The following USF3 variants were observed in gnomAD, a reference collection of about 807,000 sequenced individuals.
The protein encoded by USF3 is upstream transcription factor family member 3.
In USF3, 29 loss-of-function variants were observed where a neutral mutation model predicts 157.5. That is an observed-to-expected ratio of 0.18 (90% CI 0.14 to 0.25). USF3 has a LOEUF of 0.25. Among genes scored for constraint, USF3 ranks in the 10% least tolerant of loss-of-function variants. The pLI, the probability that USF3 is intolerant of heterozygous loss-of-function variation, is 1.00. For missense variants in USF3, 2,381 were observed against 2,667.6 expected (o/e 0.89, Z 2.37); for synonymous variants, 893 against 941.4 (o/e 0.95, Z 0.94).
rs114913621 is a variant in USF3, at chr3:113,687,184, T to C, written c.-135+9186A>G. ...GTTCAAATTGTCCACACATTGGCCA[T>C]TGGGTGCTCTTTTGGATTAGCTGTT... On this transcript the variant is annotated intron_variant, in intron 1 of 6. Coordinates refer to ENST00000316407, the MANE Select transcript of USF3 (RefSeq NM_001009899.4). Among the ~76,000 whole-genome samples the C allele has an allele frequency of 5.6e-3, 851 of 151,736 alleles. 8 individuals carry two copies. The highest frequency in any genetic ancestry group is 0.019 in the African/African-American group (791 of 41,342).
Position 113,655,461 on chromosome 3 carries a change from T to C in USF3, c.6221A>G (p.Asn2074Ser). The C allele has an allele frequency of 6.2e-7, 1 of 1,614,062 alleles. No individual in the cohort carries two copies. The highest frequency in any genetic ancestry group is 1.1e-5 in the South Asian group (1 of 91,076). The change falls in exon 7 of 7, where the codon AAT becomes AGT. Residue 2074 changes from asparagine (N) to serine (S), a missense_variant. Coordinates refer to ENST00000316407, the MANE Select transcript of USF3 (RefSeq NM_001009899.4). The stretch of plus-strand genomic sequence containing the variant: ...AGAAGCATTAGCATTTATTGGTGGA[T>C]TCATGCCACCCTCAGGAATAAAAGA... ...GFSFIPEGGM[N>S]PPINANASFI... is the part of the protein sequence containing the mutation.
At position 113,658,078 on chromosome 3, in the gene USF3, T is replaced by C. The variant is rs1282065172; in HGVS notation, c.3604A>G (p.Ile1202Val). Residue 1202 changes from isoleucine (I) to valine (V), a missense_variant, in exon 7 of 7, where the codon ATT becomes GTT. This residue lies in a region of USF3 where 1,435 missense variants were observed against 1,550.9 expected (regional missense o/e 0.93). Coordinates refer to ENST00000316407, the MANE Select transcript of USF3 (RefSeq NM_001009899.4). Reference sequence around the variant, plus strand: ...AGGGGCCTCTCCATAGTTGCTTCAATTGAACCCTGAGAATTAAATTCATTT... The same window carrying C: ...AGGGGCCTCTCCATAGTTGCTTCAACTGAACCCTGAGAATTAAATTCATTT... ...TPNEFNSQGS[I>V]EATMERPLEK... The C allele has an allele frequency of 2.5e-6, 4 of 1,614,216 alleles. No individual in the cohort carries two copies. Among genetic ancestry groups the C allele is most frequent in the Non-Finnish European group, 3.4e-6 (4 of 1,180,040 alleles).
chr3:113,658,316 G>A lies in USF3; in HGVS notation c.3366C>T (p.Asp1122=), dbSNP rs780001732. The change falls in exon 7 of 7, where the codon GAC becomes GAT. Residue 1122 remains aspartate (D), a synonymous_variant. Transcript: ENST00000316407. ...CAGTTTGCTCTACAAAGGTACAGCT[G>A]TCACATGTATTAGTTGTTGCATTGC... ...VTSNATTNTC[D]SCTFVEQTDI... 3 of 1,614,164 alleles carry A rather than the reference G, an allele frequency of 1.9e-6. No individual in the cohort carries two copies. The highest frequency in any genetic ancestry group is 2.2e-5 in the South Asian group (2 of 91,084).
rs993686510 is a variant in USF3, at chr3:113,659,912, A to G, written c.1770T>C (p.Pro590=). ...IVIIQAANQN[P]LPLLPAPPPG... ...GAGGTGGAGCAGGGAGGAGTGGCAA[A>G]GGATTCTGATTAGCAGCCTGTATGA... is the stretch of plus-strand genomic sequence containing the variant. The change falls in exon 7 of 7, where the codon CCT becomes CCC. Residue 590 remains proline, a synonymous_variant. Coordinates refer to ENST00000316407, the MANE Select transcript of USF3 (RefSeq NM_001009899.4). 2 of 1,614,196 alleles carry G rather than the reference A, an allele frequency of 1.2e-6. No individual in the cohort carries two copies. Among genetic ancestry groups the G allele is most frequent in the African/African-American group, 1.3e-5 (1 of 75,038 alleles).
Position 113,657,954 on chromosome 3 carries a change from T to A in USF3, c.3728A>T (p.Asn1243Ile), listed in dbSNP as rs1947398566. The A allele has an allele frequency of 1.9e-6, 3 of 1,614,210 alleles. No individual in the cohort carries two copies. The South Asian group carries it at 3.3e-5, about 18-fold the overall frequency. Residue 1243 changes from asparagine to isoleucine, a missense_variant, in exon 7 of 7, where the codon AAT becomes ATT. Physicochemically the swap from Asn to Ile is moderately radical, Grantham distance 149. Coordinates refer to ENST00000316407, the MANE Select transcript of USF3 (RefSeq NM_001009899.4). ...PPSITSLSVN[N>I]LIHQSSISHP... ...GCTGATGCTGCTCTGATGGATAAGA[T>A]TATTCACACTTAAACTGGTGATGCT...
intron 4 of USF3, among the ~76,000 whole-genome samples, chr3:113,670,565 T>C (rs1281429961): frequency 6.7e-6 from 1 of 150,002 alleles, no homozygotes; most frequent in East Asian, 2.0e-4. Context: ...ATGCTGCTGC[T>C]CTCCACCCTG....
intron 1 of USF3, among the ~76,000 whole-genome samples, chr3:113,692,485 A>C (rs1359192240): frequency 6.6e-6 from 1 of 152,198 alleles, no homozygotes; most frequent in Non-Finnish European, 1.5e-5. Flanking sequence ...GTCTGCTGAA[A>C]GAATATCTGG....
chr3:113,677,454 C>G (rs1220130444), intron 1 of USF3, 57 bp from the exon 2 acceptor site: 1 of 152,174 alleles, frequency 6.6e-6, no homozygotes, highest in Non-Finnish European at 1.5e-5. Flanking sequence ...ATTAGCACCG[C>G]GTAAGGCAAG....
intron 5 of USF3, 26 bp from the exon 6 acceptor site, chr3:113,664,435 A>G (rs576904901): frequency 7.6e-7 from 1 of 1,324,242 alleles, no homozygotes. Flanking sequence ...TTAAAAGTTT[A>G]CAAGTTTCAC....
Position 113,664,450 on chromosome 3 carries a change from G to C in USF3, c.160-41C>G, listed in dbSNP as rs757065854. 27 of 1,091,594 alleles carry C rather than the reference G, an allele frequency of 2.5e-5. No homozygotes were observed. The African/African-American group carries it at 3.9e-4, about 16-fold the overall frequency. The allele number at this position is 1,091,594 out of a possible 1,614,324, so 67.6% of individuals were successfully genotyped here. The stretch of plus-strand genomic sequence containing the variant: ...TTAAAAGTTTACAAGTTTCACTGAA[G>C]GGTAAGAACTTGCCAGATGAAACTT... On this transcript the variant is annotated intron_variant, in intron 5 of 6. Coordinates refer to ENST00000316407, the MANE Select transcript of USF3 (RefSeq NM_001009899.4).
Position 113,655,834 on chromosome 3 carries a change from C to T in USF3, c.5848G>A (p.Ala1950Thr), listed in dbSNP as rs1174068106. The T allele has an allele frequency of 1.4e-5, 23 of 1,614,056 alleles. No homozygotes were observed. The highest frequency in any genetic ancestry group is 3.3e-4 in the Middle Eastern group (2 of 6,084). ...TGAGACACAGATGGATGTGGCAACG[C>T]TGGCCTTGCAACCCCATGCATGTTG... ...TTNMHGVARP[A>T]LPHPSVSHGN... is the part of the protein sequence containing the mutation. The change falls in exon 7 of 7, where the codon GCG (alanine) becomes ACG (threonine). Residue 1950 changes from alanine to threonine, a missense_variant. Physicochemically the swap from Ala to Thr is moderately conservative, Grantham distance 58. Transcript: ENST00000316407.
At chr3:113,668,607 T>C (rs769701718) in intron 5 of USF3, among the ~76,000 whole-genome samples, 2 of 150,686 alleles carry the variant, frequency 1.3e-5, no homozygotes, top group Non-Finnish European at 3.0e-5. Context: ...TTCCCAAGTA[T>C]GAAAAAAACA....
intron 4 of USF3, among the ~76,000 whole-genome samples, chr3:113,671,236 T>G (rs755360514): frequency 6.6e-6 from 1 of 152,322 alleles, no homozygotes; most frequent in African/African-American, 2.4e-5. Context: ...TTATGGCAAA[T>G]GGGCAAATGA....
chr3:113,693,078 C>A (rs1707720214), intron 1 of USF3, among the ~76,000 whole-genome samples: 1 of 152,128 alleles, frequency 6.6e-6, no homozygotes, highest in Admixed American at 6.5e-5. Flanking sequence ...ATAGCAAAAT[C>A]AATTAATGCC....
chr3:113,669,547 A>G (rs759370329), intron 5 of USF3, among the ~76,000 whole-genome samples: 1 of 151,708 alleles, frequency 6.6e-6, no homozygotes, highest in Non-Finnish European at 1.5e-5. Context: ...TGCCTTTCGT[A>G]TTGTTTCAAT....
At chr3:113,663,298 C>T (rs1159975218) in intron 6 of USF3, among the ~76,000 whole-genome samples, 1 of 152,178 alleles carries the variant, frequency 6.6e-6, no homozygotes, top group Non-Finnish European at 1.5e-5. Context: ...CAGCCTCTGG[C>T]TTTGAAATCA....
chr3:113,678,838 T>C (rs12634241), intron 1 of USF3, among the ~76,000 whole-genome samples: 52,952 of 151,800 alleles, frequency 0.35, 9,361 homozygotes, highest in African/African-American at 0.41. Flanking sequence ...GCCTCAAACT[T>C]CTGGCTCTCA....
intron 1 of USF3, among the ~76,000 whole-genome samples, chr3:113,685,897 CA>C (rs1344609070): frequency 6.6e-6 from 1 of 151,956 alleles, no homozygotes. Flanking sequence ...ATCCAAGTTG[CA>C]AGAAAAAAAT....
intron 5 of USF3, among the ~76,000 whole-genome samples, chr3:113,666,602 T>C (rs1383933708): frequency 7.2e-5 from 10 of 137,990 alleles, no homozygotes; most frequent in Non-Finnish European, 1.6e-4. Context: ...AACAGACTCC[T>C]GCTCTGTCGC....
Sources: gnomAD v4.1 joint callset for allele counts (sites outside exome capture counted in the v4.1 genomes callset) on GRCh38, gnomAD v4.1.1 for gene constraint, gnomAD v4.1.1 regional missense constraint, MANE v1.5 for transcripts, NCBI Gene and HGNC (gene_info 2026-07-23, HGNC 2026-07-21) for gene names.